The following UNC13C variants were observed in gnomAD, a reference collection of about 807,000 sequenced individuals.
The protein encoded by UNC13C is protein unc-13 homolog C.
In UNC13C, 174 loss-of-function variants were observed where a neutral mutation model predicts 245.4. The observed-to-expected ratio is 0.71, with a 90% confidence interval of 0.63 to 0.80. The LOEUF (loss-of-function observed/expected upper bound fraction) is 0.80. UNC13C is among the 30% of genes least tolerant of loss of function. The pLI is 0.00. For synonymous variants in UNC13C, 992 were observed against 895.1 expected (o/e 1.11, Z -1.93); for missense variants, 2,829 against 2,602.9 (o/e 1.09, Z -1.89).
At chr15:54,177,784 A>G (rs910891490) in intron 4 of UNC13C, among the ~76,000 whole-genome samples, 2 of 152,120 alleles carry the variant, frequency 1.3e-5, no homozygotes, top group African/African-American at 4.8e-5. Flanking sequence ...CTCTGTATCC[A>G]TCATCTTCCT....
Position 54,082,078 on chromosome 15 carries a change from C to G in UNC13C, c.2984-60940C>G, listed in dbSNP as rs1017690159. ...GTCAGGATATAAAATGCATGAATGT[C>G]ATTTATTTTCCTTTAAGAAGGCTAA... On this transcript the variant is annotated intron_variant, in intron 2 of 32. Coordinates refer to ENST00000260323, the MANE Select transcript of UNC13C (RefSeq NM_001080534.3). 2.6e-5 allele frequency among the ~76,000 whole-genome samples: 4 copies of G among 152,088 alleles called. No individual in the cohort carries two copies. In the East Asian group the frequency reaches 5.8e-4, roughly 22 times the overall value.
intron 19 of UNC13C, among the ~76,000 whole-genome samples, chr15:54,447,882 A>G (rs1215295957): frequency 3.3e-5 from 5 of 152,134 alleles, no homozygotes; most frequent in African/African-American, 1.2e-4. Context: ...TCAATTTTAG[A>G]TCTTTCCTGC....
intron 26 of UNC13C, among the ~76,000 whole-genome samples, chr15:54,538,247 C>A (rs1213662471): frequency 1.3e-5 from 2 of 148,436 alleles, no homozygotes; most frequent in East Asian, 4.0e-4. Context: ...AAGAAAAATG[C>A]TGAACGTCAC....
rs1891848123 is a variant in UNC13C, at chr15:54,461,569, G to T, written c.4934-33039G>T. On this transcript the variant is annotated intron_variant, in intron 19 of 32. Coordinates refer to ENST00000260323, the MANE Select transcript of UNC13C (RefSeq NM_001080534.3). ...TAATATTAAAAATCCATTAATAATT[G>T]TGAAAATACTACATGTATTTATGAT... 1.3e-5 allele frequency among the ~76,000 whole-genome samples: 2 copies of T among 152,182 alleles called. 1 individual carries two copies. The highest frequency in any genetic ancestry group is 1.3e-4 in the Admixed American group (2 of 15,272).
chr15:53,984,899 AG>A (rs2097023715), intron 1 of UNC13C, among the ~76,000 whole-genome samples: 1 of 152,104 alleles, frequency 6.6e-6, no homozygotes, highest in South Asian at 2.1e-4. Context: ...AATTGCCCCA[AG>A]ATTCTAATAT....
At chr15:54,414,899 G>A (rs2040488365) in intron 18 of UNC13C, 83 bp from the exon 19 acceptor site, 3 of 801,040 alleles carry the variant, frequency 3.7e-6, no homozygotes, top group Non-Finnish European at 6.2e-6. Context: ...AATAACTACT[G>A]TGGTATATAT....
chr15:54,023,990 G>C (rs1344894601), intron 2 of UNC13C, among the ~76,000 whole-genome samples: 2 of 152,102 alleles, frequency 1.3e-5, no homozygotes, highest in African/African-American at 4.8e-5. Context: ...AATCATTTTT[G>C]AGATTGCTGT....
intron 2 of UNC13C, among the ~76,000 whole-genome samples, chr15:54,113,537 G>T (rs1216114668): frequency 1.3e-5 from 2 of 152,146 alleles, no homozygotes; most frequent in Non-Finnish European, 2.9e-5. Flanking sequence ...GTTAAGTTCT[G>T]CAGGTTGCTT....
chr15:54,281,090 G>A (rs762936692), intron 10 of UNC13C, among the ~76,000 whole-genome samples: 3 of 152,044 alleles, frequency 2.0e-5, no homozygotes, highest in Admixed American at 6.6e-5. Flanking sequence ...AAGCCACCAT[G>A]CCCGGCCAAC....
At chr15:54,556,483 C>T (rs960958750) in intron 29 of UNC13C, among the ~76,000 whole-genome samples, 19 of 151,938 alleles carry the variant, frequency 1.3e-4, no homozygotes, top group Admixed American at 1.3e-4. Flanking sequence ...AAAACTGCCA[C>T]ATTAAAGTTG....
chr15:54,570,421 C>T (rs1897704530), intron 30 of UNC13C, among the ~76,000 whole-genome samples: 1 of 152,162 alleles, frequency 6.6e-6, no homozygotes, highest in Non-Finnish European at 1.5e-5. Context: ...TTTCTCCACC[C>T]TGCCATTTCT....
At chr15:54,163,115 A>G (rs138116603) in intron 4 of UNC13C, among the ~76,000 whole-genome samples, 11 of 152,294 alleles carry the variant, frequency 7.2e-5, no homozygotes, top group Non-Finnish European at 1.5e-4. Context: ...TGCAGATATG[A>G]TTGAATTCAG....
At chr15:53,896,635 G>A in the UNC13C span, among the ~76,000 whole-genome samples, 10 of 151,898 alleles carry the variant, frequency 6.6e-5, no homozygotes, top group African/African-American at 2.4e-4. Flanking sequence ...TCCTTAAAGG[G>A]AACCAGGTCA....
At chr15:54,179,812 A>T (rs969611141) in intron 4 of UNC13C, among the ~76,000 whole-genome samples, 1 of 152,102 alleles carries the variant, frequency 6.6e-6, no homozygotes, top group African/African-American at 2.4e-5. Context: ...CCCAAGCAGG[A>T]TAAATAAGAA....
chr15:54,201,752 A>G (rs1470229787), intron 4 of UNC13C, among the ~76,000 whole-genome samples: 3 of 152,150 alleles, frequency 2.0e-5, no homozygotes, highest in African/African-American at 7.2e-5. Flanking sequence ...GAGAACTGGA[A>G]CAAGTCAAGA....
chr15:54,088,178 A>C (rs1451997513), intron 2 of UNC13C, among the ~76,000 whole-genome samples: 1 of 150,018 alleles, frequency 6.7e-6, no homozygotes, highest in Non-Finnish European at 1.5e-5. Context: ...AAAAATGTAG[A>C]AGCAGCCATG....
chr15:54,550,432 T>C (rs1896686267), intron 28 of UNC13C, among the ~76,000 whole-genome samples: 1 of 152,082 alleles, frequency 6.6e-6, no homozygotes, highest in Non-Finnish European at 1.5e-5. Context: ...AACTGCAAAG[T>C]GTATGTCACC....
At chr15:54,227,002 A>C (rs2035404259) in intron 4 of UNC13C, among the ~76,000 whole-genome samples, 1 of 152,022 alleles carries the variant, frequency 6.6e-6, no homozygotes, top group Admixed American at 6.6e-5. Context: ...AGCCCTGTTT[A>C]TGTTACAACT....
At chr15:54,123,373 A>G (rs1465283617) in intron 2 of UNC13C, among the ~76,000 whole-genome samples, 1 of 151,388 alleles carries the variant, frequency 6.6e-6, no homozygotes, top group East Asian at 1.9e-4. Flanking sequence ...ATATACATTT[A>G]TATGGATATA....
Sources: gnomAD v4.1 joint callset for allele counts (sites outside exome capture counted in the v4.1 genomes callset) on GRCh38, gnomAD v4.1.1 for gene constraint, MANE v1.5 for transcripts, NCBI Gene and HGNC (gene_info 2026-07-23, HGNC 2026-07-21) for gene names.